LIN28B: variants seen among roughly 807,000 people sequenced by gnomAD.
The protein encoded by LIN28B is lin-28 RNA binding posttranscriptional regulator B, also known as protein lin-28 homolog B.
A neutral mutation model predicts 21.9 loss-of-function variants in LIN28B; 5 were observed. That is an observed-to-expected ratio of 0.23 (90% confidence interval 0.12 to 0.48). The LOEUF (loss-of-function observed/expected upper bound fraction) is 0.48. Among genes scored for constraint, LIN28B ranks in the 20% least tolerant of loss-of-function variants. The pLI, the probability that LIN28B is intolerant of heterozygous loss-of-function variation, is 0.98. For missense variants in LIN28B, 245 were observed against 310.5 expected, an observed-to-expected ratio of 0.79 and a Z score of 1.58; for synonymous variants, 109 against 111.3, an observed-to-expected ratio of 0.98 and a Z score of 0.13.
At chr6:104,957,446 G>A (rs1355259160) in intron 1 of LIN28B, among the ~76,000 whole-genome samples, 186 bp downstream of exon 1, 1 of 148,970 alleles carries the variant, frequency 6.7e-6, no homozygotes, top group Non-Finnish European at 1.5e-5. Flanking sequence ...CTCCAAAAAT[G>A]TTTTGTACCG....
intron 3 of LIN28B, among the ~76,000 whole-genome samples, chr6:105,034,611 T>C (rs1326362828): frequency 6.6e-6 from 1 of 152,072 alleles, no homozygotes; most frequent in East Asian, 1.9e-4. Context: ...TTCCTTGTAG[T>C]CAGTACTAAA....
At chr6:105,077,116 G>C (rs1772442397) in intron 3 of LIN28B, among the ~76,000 whole-genome samples, 1 of 151,838 alleles carries the variant, frequency 6.6e-6, no homozygotes, top group African/African-American at 2.4e-5. Context: ...TGTAATCCTA[G>C]CTACTCCCGA....
At chr6:105,051,055 CAAAA>C (rs1454680117) in intron 3 of LIN28B, among the ~76,000 whole-genome samples, 1 of 150,164 alleles carries the variant, frequency 6.7e-6, no homozygotes, top group African/African-American at 2.5e-5. Flanking sequence ...GATTAAAAAA[CAAAA>C]GAAAGAAAAG....
intron 3 of LIN28B, among the ~76,000 whole-genome samples, chr6:105,048,536 T>C (rs904808393): frequency 2.0e-5 from 3 of 152,220 alleles, no homozygotes; most frequent in African/African-American, 7.2e-5. Flanking sequence ...CCTCATAAAA[T>C]GAGTTAGGGA....
intron 3 of LIN28B, among the ~76,000 whole-genome samples, chr6:105,040,766 C>A (rs1478967135): frequency 2.0e-5 from 3 of 152,018 alleles, no homozygotes; most frequent in African/African-American, 7.2e-5. Flanking sequence ...TTTTCTGTTT[C>A]CTTTTCAATC....
intron 2 of LIN28B, among the ~76,000 whole-genome samples, chr6:104,969,641 G>T (rs539623401): frequency 7.2e-5 from 11 of 152,224 alleles, no homozygotes; most frequent in African/African-American, 2.6e-4. Context: ...ATTTTATATG[G>T]TATGGTATCC....
intron 2 of LIN28B, among the ~76,000 whole-genome samples, chr6:104,948,243 T>G (rs892665009): frequency 6.6e-6 from 1 of 151,220 alleles, no homozygotes; most frequent in South Asian, 2.1e-4. Flanking sequence ...CCGAGGCGGG[T>G]GGATCACAAG....
chr6:105,018,637 A>C (rs1262705925), intron 2 of LIN28B, among the ~76,000 whole-genome samples: 1 of 152,160 alleles, frequency 6.6e-6, no homozygotes, highest in Non-Finnish European at 1.5e-5. Flanking sequence ...ATCAAGTTAA[A>C]GTTAAATATT....
intron 2 of LIN28B, among the ~76,000 whole-genome samples, chr6:105,004,745 T>C (rs896790178): frequency 6.6e-6 from 1 of 152,230 alleles, no homozygotes; most frequent in Non-Finnish European, 1.5e-5. Context: ...TTAATATGTC[T>C]CTAAAATCTT....
rs184970682 is a variant in LIN28B at position 105,034,736 on chromosome 6, A to G, written c.383+8254A>G. 2.4e-3 allele frequency among the ~76,000 whole-genome samples: 364 copies of G among 152,178 alleles called. 2 individuals are homozygous for G. In the Middle Eastern group the frequency reaches 0.065, roughly 27 times the overall value. ...TCACATGAATTAACTTGCCTTTTTAAAAAAGAAAGTGGAGATGTGTGATAG... is the reference window on the plus strand; with the variant it reads ...TCACATGAATTAACTTGCCTTTTTAGAAAAGAAAGTGGAGATGTGTGATAG... On this transcript the variant is annotated intron_variant, in intron 3 of 3. Transcript: ENST00000345080.
chr6:105,023,759 A>G (rs1435386379), intron 2 of LIN28B, among the ~76,000 whole-genome samples: 2 of 141,790 alleles, frequency 1.4e-5, no homozygotes, highest in East Asian at 2.0e-4. Flanking sequence ...TCAGAATATC[A>G]TGAACAACAG....
intron 3 of LIN28B, chr6:105,045,510 T>G (rs1171135577): frequency 2.6e-5 from 4 of 152,246 alleles, no homozygotes; most frequent in African/African-American, 9.6e-5. Flanking sequence ...GGTGTCGAAC[T>G]CCTGACCTCA....
In LIN28B at chr6:105,050,373, C is replaced by T. The variant is rs369908381; in HGVS notation, c.383+23891C>T. Among the ~76,000 whole-genome samples, 23 of 151,566 alleles carry T rather than the reference C, an allele frequency of 1.5e-4. No homozygotes were observed. The East Asian group carries it at 3.7e-3, about 24-fold the overall frequency. ...ATCCCAGCACTTTGGGAGGCCGAGG[C>T]GGGTGGATCATGAGGTCAGGAAATC... is the stretch of plus-strand genomic sequence containing the variant. On this transcript the variant is annotated intron_variant, in intron 3 of 3. Coordinates refer to ENST00000345080, the MANE Select transcript of LIN28B (RefSeq NM_001004317.4).
At chr6:104,959,471 G>A (rs1420612716) in intron 2 of LIN28B, among the ~76,000 whole-genome samples, 2 of 152,094 alleles carry the variant, frequency 1.3e-5, no homozygotes, top group African/African-American at 2.4e-5. Flanking sequence ...ATAAACAATA[G>A]AAACATATGA....
At chr6:105,077,168 T>C (rs1772443554) in intron 3 of LIN28B, among the ~76,000 whole-genome samples, 1 of 152,016 alleles carries the variant, frequency 6.6e-6, no homozygotes, top group Non-Finnish European at 1.5e-5. Flanking sequence ...AGGCAGAGGT[T>C]GCAGTGAACC....
At chr6:105,019,239 C>T (rs1582898989) in intron 2 of LIN28B, among the ~76,000 whole-genome samples, 1 of 152,256 alleles carries the variant, frequency 6.6e-6, no homozygotes, top group East Asian at 1.9e-4. Flanking sequence ...TGAGCCACCG[C>T]GCCCATCTGG....
chr6:104,951,333 G>A (rs561197934), intron 3 of LIN28B, among the ~76,000 whole-genome samples: 1 of 152,044 alleles, frequency 6.6e-6, no homozygotes, highest in African/African-American at 2.4e-5. Flanking sequence ...AGTAGCAAGA[G>A]GAAAGCAGTA....
chr6:105,049,277 A>G (rs1486963872), intron 3 of LIN28B, among the ~76,000 whole-genome samples: 1 of 152,196 alleles, frequency 6.6e-6, no homozygotes, highest in East Asian at 1.9e-4. Context: ...GTCGTTCAGG[A>G]GCAGGTTATT....
chr6:105,031,782 G>C (rs760030830), intron 3 of LIN28B, among the ~76,000 whole-genome samples: 1 of 152,002 alleles, frequency 6.6e-6, no homozygotes, highest in South Asian at 2.1e-4. Flanking sequence ...TGATCCGCCC[G>C]CCTTGGCCTC....
Sources: gnomAD v4.1 joint callset for allele counts (sites outside exome capture counted in the v4.1 genomes callset) on GRCh38, gnomAD v4.1.1 for gene constraint, MANE v1.5 for transcripts, NCBI Gene and HGNC (gene_info 2026-07-23, HGNC 2026-07-21) for gene names.